LARGE1: variants seen among roughly 807,000 people sequenced by gnomAD.
The protein encoded by LARGE1 is xylosyl- and glucuronyltransferase LARGE1.
Under a neutral mutation model 87.6 loss-of-function variants are expected in LARGE1, and 43 were observed. The observed-to-expected ratio is 0.49, with a 90% CI of 0.38 to 0.63. LARGE1 has a LOEUF of 0.63. Among genes scored for constraint, LARGE1 ranks in the 30% least tolerant of loss-of-function variants. The probability of loss-of-function intolerance (pLI) is 0.00; values close to 1 mark genes in which losing one functional copy is unlikely to be tolerated. For missense variants in LARGE1, 802 were observed against 1,000.2 expected (o/e 0.80, Z 2.67); for synonymous variants, 434 against 394.6 (o/e 1.10, Z -1.18).
intron 1 of LARGE1, among the ~76,000 whole-genome samples, chr22:33,826,029 T>C (rs1163617903): frequency 6.6e-6 from 1 of 152,052 alleles, no homozygotes; most frequent in African/African-American, 2.4e-5. Flanking sequence ...GCTGTCCAGA[T>C]CACATTTCAA....
At chr22:33,911,722 A>G (rs1368079286) in intron 1 of LARGE1, among the ~76,000 whole-genome samples, 1 of 152,372 alleles carries the variant, frequency 6.6e-6, no homozygotes, top group East Asian at 1.9e-4. Context: ...CTCGGAGGAA[A>G]GAAAGCACGC....
intron 6 of LARGE1, among the ~76,000 whole-genome samples, chr22:33,507,362 A>G (rs575341644): frequency 1.3e-5 from 2 of 152,330 alleles, no homozygotes; most frequent in South Asian, 4.1e-4. Context: ...GTGTATGCCC[A>G]GGAGAAGGAA....
the LARGE1 span, among the ~76,000 whole-genome samples, chr22:33,098,053 T>A: frequency 0.042 from 6,372 of 152,238 alleles, 335 homozygotes; most frequent in East Asian, 0.25. Context: ...ACACCTGCAA[T>A]CCCAACAATT....
chr22:33,901,760 G>A (rs1332507399), intron 1 of LARGE1, among the ~76,000 whole-genome samples: 2 of 152,220 alleles, frequency 1.3e-5, no homozygotes, highest in African/African-American at 2.4e-5. Flanking sequence ...ATGATACATG[G>A]ATGACTTATT....
At chr22:33,842,699 A>G (rs2063314564) in intron 1 of LARGE1, among the ~76,000 whole-genome samples, 1 of 152,218 alleles carries the variant, frequency 6.6e-6, no homozygotes, top group African/African-American at 2.4e-5. Flanking sequence ...TATTTTCTAC[A>G]TCTGTGCTCT....
intron 11 of LARGE1, among the ~76,000 whole-genome samples, chr22:33,169,599 C>A (rs1040289383): frequency 2.6e-5 from 4 of 152,068 alleles, no homozygotes; most frequent in South Asian, 2.1e-4. Context: ...CAACTGTAAT[C>A]CCAGCACTTT....
intron 6 of LARGE1, among the ~76,000 whole-genome samples, chr22:33,460,710 G>T (rs1361035955): frequency 2.0e-5 from 3 of 152,172 alleles, no homozygotes; most frequent in Admixed American, 6.5e-5. Flanking sequence ...ACAGGAAAAT[G>T]AGATGAAGAG....
intron 11 of LARGE1, among the ~76,000 whole-genome samples, chr22:33,195,734 A>G (rs114226397): frequency 0.019 from 2,095 of 109,652 alleles, 55 homozygotes; most frequent in African/African-American, 0.067. Flanking sequence ...AGTGCCTAAA[A>G]TTAATTTCTT....
the LARGE1 span, among the ~76,000 whole-genome samples, chr22:33,132,092 ATTG>A: frequency 6.6e-6 from 1 of 152,036 alleles, no homozygotes; most frequent in African/African-American, 2.4e-5. Flanking sequence ...ACACATGGGA[ATTG>A]TTGGAGTTAC....
intron 6 of LARGE1, among the ~76,000 whole-genome samples, chr22:33,549,969 T>C (rs577095616): frequency 6.6e-6 from 1 of 152,244 alleles, no homozygotes; most frequent in South Asian, 2.1e-4. Flanking sequence ...ATGGTGTACA[T>C]GTGCCACATT....
At chr22:33,783,820 A>C (rs2085510124) in intron 1 of LARGE1, among the ~76,000 whole-genome samples, 1 of 152,054 alleles carries the variant, frequency 6.6e-6, no homozygotes, top group Non-Finnish European at 1.5e-5. Context: ...ACGGGCTCTA[A>C]CTTCCCTGGT....
chr22:33,858,361 C>T (rs1030690413), intron 1 of LARGE1, among the ~76,000 whole-genome samples: 2 of 152,102 alleles, frequency 1.3e-5, no homozygotes, highest in African/African-American at 2.4e-5. Context: ...GAAGAGAGTG[C>T]GGTTGCAAGA....
chr22:33,764,689 C>T (rs2283944), intron 1 of LARGE1, among the ~76,000 whole-genome samples: 27,667 of 152,066 alleles, frequency 0.18, 3,057 homozygotes, highest in Admixed American at 0.32. Context: ...ACCCGGGAGG[C>T]GGAGGTTACA....
intron 11 of LARGE1, among the ~76,000 whole-genome samples, chr22:33,223,137 A>T (rs760330420): frequency 9.9e-5 from 15 of 152,212 alleles, no homozygotes; most frequent in Non-Finnish European, 1.9e-4. Flanking sequence ...CTCCAGTATC[A>T]TTCATAATAA....
In LARGE1 at chr22:33,304,342, C is replaced by T. The variant is rs2146164178; in HGVS notation, c.1617G>A (p.Gln539=). ...VGYHIVYKEG[Q]FYPVNLLRNV... Reference sequence around the variant, plus strand: ...TGCGCAGCAGGTTCACGGGGTAGAACTGGCCCTCCTTGTACACGATGTGGT... The same window carrying T: ...TGCGCAGCAGGTTCACGGGGTAGAATTGGCCCTCCTTGTACACGATGTGGT... Residue 539 remains glutamine, a synonymous_variant, in exon 12 of 15, where the codon CAG becomes CAA. Transcript: ENST00000397394. 1.2e-6 allele frequency: 2 copies of T among 1,614,286 alleles called. No homozygotes were observed. The highest frequency in any genetic ancestry group is 1.7e-6 in the Non-Finnish European group (2 of 1,180,050).
At chr22:33,714,755 G>A (rs1294705488) in intron 2 of LARGE1, among the ~76,000 whole-genome samples, 4 of 152,124 alleles carry the variant, frequency 2.6e-5, no homozygotes, top group African/African-American at 9.7e-5. Flanking sequence ...GCAACCACAC[G>A]CAGGTCTCTG....
intron 6 of LARGE1, among the ~76,000 whole-genome samples, chr22:33,544,477 A>C (rs368583420): frequency 6.3e-4 from 96 of 152,280 alleles, no homozygotes; most frequent in African/African-American, 2.3e-3. Flanking sequence ...CCCTGAGGTA[A>C]GGAGTTTGAG....
At chr22:33,232,371 G>C (rs1271564359) in intron 11 of LARGE1, among the ~76,000 whole-genome samples, 1 of 152,190 alleles carries the variant, frequency 6.6e-6, no homozygotes, top group Non-Finnish European at 1.5e-5. Flanking sequence ...TGCACCCACT[G>C]ATTTGCAATT....
chr22:33,606,834 C>T (rs2079278321), intron 4 of LARGE1, among the ~76,000 whole-genome samples: 1 of 152,160 alleles, frequency 6.6e-6, no homozygotes, highest in Non-Finnish European at 1.5e-5. Flanking sequence ...TGCCTTAGGA[C>T]CGCCATCATT....
Sources: allele counts gnomAD v4.1 joint callset (sites outside exome capture counted in the v4.1 genomes callset), GRCh38; gene constraint gnomAD v4.1.1; transcripts MANE v1.5; gene names NCBI Gene and HGNC (gene_info 2026-07-23, HGNC 2026-07-21).